Variants in ARMC12 observed in about 807,000 individuals in gnomAD.
ARMC12 encodes armadillo repeat-containing protein 12.
Under a neutral mutation model 37.4 loss-of-function variants are expected in ARMC12, and 25 were observed. That is an observed-to-expected ratio of 0.67 (90% CI 0.49 to 0.93). The LOEUF (loss-of-function observed/expected upper bound fraction) is 0.93, where lower values mean the gene tolerates loss of function less well. ARMC12 is among the 40% of genes least tolerant of loss of function. The pLI is 0.00. For missense variants in ARMC12, 384 were observed against 426.6 expected (o/e 0.90, Z 0.88); for synonymous variants, 167 against 176.1 (o/e 0.95, Z 0.41).
rs773502896 is a variant in ARMC12 at position 35,737,122 on chromosome 6, T to C, written c.14T>C (p.Ile5Thr). The change falls in exon 1 of 6, where the codon ATC (isoleucine) becomes ACC (threonine). Residue 5 changes from isoleucine (I) to threonine (T), a missense_variant. Physicochemically the swap from Ile to Thr is moderately conservative, Grantham distance 89. Coordinates refer to ENST00000373866, the MANE Select transcript of ARMC12 (RefSeq NM_001286574.2). MGKS[I>T]PQYLGQLDIR... ...AACACTGAAGACATGGGCAAGAGCA[T>C]CCCCCAATACCTGGGGCAACTGGAC... 6.8e-6 allele frequency: 11 copies of C among 1,614,102 alleles called. No homozygotes were observed. Among genetic ancestry groups the C allele is most frequent in the Non-Finnish European group, 8.5e-6 (10 of 1,180,022 alleles).
intron 3 of ARMC12, among the ~76,000 whole-genome samples, chr6:35,743,893 C>T (rs1445854613): frequency 2.0e-5 from 3 of 148,744 alleles, no homozygotes; most frequent in East Asian, 2.0e-4. Context: ...TGCATTGAAC[C>T]GAGATCACCA....
chr6:35,738,293 G>T (rs1406313858), intron 2 of ARMC12, 91 bp from the exon 3 acceptor site: 19 of 1,431,822 alleles, frequency 1.3e-5, no homozygotes, highest in African/African-American at 2.9e-5. Context: ...CGGTGGGGGG[G>T]GGGTGTGCGG....
rs899555586 is a variant in ARMC12 at position 35,747,623 on chromosome 6, T to C, written c.666T>C (p.Leu222=). ...LLSYLAQKND[L]LYDILNCQVH... ...GCTACCTGGCACAGAAGAATGACCTTCTCTATGACATTCTCAACTGCCAGG... is the reference window on the plus strand; with the variant it reads ...GCTACCTGGCACAGAAGAATGACCTCCTCTATGACATTCTCAACTGCCAGG... Residue 222 remains leucine (L), a synonymous_variant, in exon 5 of 6, where the codon CTT becomes CTC. Coordinates refer to ENST00000373866, the MANE Select transcript of ARMC12 (RefSeq NM_001286574.2). 6 of 1,614,092 alleles carry C rather than the reference T, an allele frequency of 3.7e-6. No homozygotes were observed. Among genetic ancestry groups the C allele is most frequent in the Non-Finnish European group, 5.1e-6 (6 of 1,179,980 alleles).
At chr6:35,748,406 TA>T in intron 5 of ARMC12, 131 bp from the exon 6 acceptor site, 2 of 658,336 alleles carry the variant, frequency 3.0e-6, no homozygotes, top group Non-Finnish European at 4.4e-6. Context: ...AAAGAAAAAC[TA>T]AAAAATTACT....
chr6:35,738,136 C>G lies in ARMC12; in HGVS notation c.273C>G (p.His91Gln). The G allele has an allele frequency of 6.2e-7, 1 of 1,613,928 alleles. No individual in the cohort carries two copies. The highest frequency in any genetic ancestry group is 1.1e-5 in the South Asian group (1 of 91,082). The stretch of plus-strand genomic sequence containing the variant: ...AGTATGCCAAGAGCATGATCCTGCA[C>G]AGTATCACTCGCTGTGTGTACTTGC... ...QDEYAKSMIL[H>Q]SITRCVYLLE... is the part of the protein sequence containing the mutation. Residue 91 changes from histidine to glutamine, a missense_variant, in exon 2 of 6, where the codon CAC (histidine) becomes CAG (glutamine). His to Gln is a conservative substitution (Grantham distance 24). Transcript: ENST00000373866.
chr6:35,740,945 G>A (rs1373295132), intron 3 of ARMC12, among the ~76,000 whole-genome samples: 1 of 147,470 alleles, frequency 6.8e-6, no homozygotes, highest in Non-Finnish European at 1.5e-5. Context: ...TGTCGCCCAG[G>A]CTGGAGTGCA....
At chr6:35,737,893 C>A in intron 1 of ARMC12, 134 bp from the exon 2 acceptor site, 1 of 1,205,362 alleles carries the variant, frequency 8.3e-7, no homozygotes, top group Non-Finnish European at 1.2e-6. Flanking sequence ...ACATGGTGGT[C>A]CTGCATATGG....
chr6:35,737,314 C>G, intron 1 of ARMC12, 43 bp downstream of exon 1: 7 of 1,614,232 alleles, frequency 4.3e-6, no homozygotes, highest in Non-Finnish European at 5.9e-6. Context: ...CCCCAGGAGG[C>G]ACCTGCTCCC....
intron 3 of ARMC12, among the ~76,000 whole-genome samples, chr6:35,740,263 C>T (rs1016134291): frequency 4.6e-5 from 7 of 152,180 alleles, no homozygotes; most frequent in African/African-American, 1.7e-4. Flanking sequence ...TACCCCCAAA[C>T]TTACAGTATC....
intron 3 of ARMC12, among the ~76,000 whole-genome samples, chr6:35,746,279 G>A (rs943402319): frequency 4.6e-5 from 7 of 151,898 alleles, no homozygotes; most frequent in South Asian, 2.1e-4. Context: ...CTAAGCAGAG[G>A]GCACAGCCTA....
At chr6:35,738,276 C>A (rs958181443) in intron 2 of ARMC12, 104 bp downstream of exon 2, 5 of 992,132 alleles carry the variant, frequency 5.0e-6, no homozygotes, top group Non-Finnish European at 7.1e-6. Context: ...CTCTCTCTGG[C>A]TGATAGCGGT....
chr6:35,741,685 G>A (rs866775517), intron 3 of ARMC12, among the ~76,000 whole-genome samples: 15 of 152,246 alleles, frequency 9.9e-5, no homozygotes, highest in Middle Eastern at 6.8e-3. Context: ...CTCCCAAACT[G>A]CTGGGATTAC....
rs1420130339 is a variant in ARMC12 at position 35,737,238 on chromosome 6, C to A, written c.130C>A (p.Pro44Thr). ...CAAGGCTGGCATAAAATGCAAACCA[C>A]CCCTCTGTAGCAACTCACCCATCTG... ...AIKAGIKCKP[P>T]LCSNSPICIA... The change falls in exon 1 of 6, where the codon CCC becomes ACC. Residue 44 changes from proline to threonine, a missense_variant. Coordinates refer to ENST00000373866, the MANE Select transcript of ARMC12 (RefSeq NM_001286574.2). 1.2e-6 allele frequency: 2 copies of A among 1,614,260 alleles called. No individual in the cohort carries two copies. The highest frequency in any genetic ancestry group is 1.1e-5 in the South Asian group (1 of 91,088).
At chr6:35,738,890 TC>T (rs1767079984) in intron 3 of ARMC12, among the ~76,000 whole-genome samples, 1 of 152,012 alleles carries the variant, frequency 6.6e-6, no homozygotes, top group African/African-American at 2.4e-5. Context: ...AAGGGCTGAG[TC>T]CCCCAAGACT....
upstream of ARMC12, among the ~76,000 whole-genome samples, chr6:35,733,304 T>C (rs893674341): frequency 2.6e-5 from 4 of 152,234 alleles, no homozygotes; most frequent in Admixed American, 2.0e-4. Flanking sequence ...TCTCACTGCC[T>C]GCCCACGCCC....
chr6:35,734,440 G>A (rs45586442), upstream of ARMC12, among the ~76,000 whole-genome samples: 4 of 152,148 alleles, frequency 2.6e-5, no homozygotes, highest in African/African-American at 7.2e-5. Flanking sequence ...GAGACTGCAA[G>A]TGTGAGCTAC....
At chr6:35,738,286 T>TGGGGGC in intron 2 of ARMC12, 98 bp from the exon 3 acceptor site, 1 of 1,059,414 alleles carries the variant, frequency 9.4e-7, no homozygotes, top group Non-Finnish European at 1.2e-6. Flanking sequence ...CTGATAGCGG[T>TGGGGGC]GGGGGGGGGG....
At chr6:35,742,756 G>C (rs999026779) in intron 3 of ARMC12, among the ~76,000 whole-genome samples, 2 of 152,158 alleles carry the variant, frequency 1.3e-5, no homozygotes, top group African/African-American at 4.8e-5. Context: ...CCCATGGGCA[G>C]CTGCTACTAG....
intron 3 of ARMC12, among the ~76,000 whole-genome samples, chr6:35,742,833 C>T (rs1255264114): frequency 6.6e-6 from 1 of 152,216 alleles, no homozygotes; most frequent in Non-Finnish European, 1.5e-5. Context: ...TCACCCCATT[C>T]CCTGAATCAG....
Sources: gnomAD v4.1 joint callset for allele counts (sites outside exome capture counted in the v4.1 genomes callset) on GRCh38, gnomAD v4.1.1 for gene constraint, MANE v1.5 for transcripts, NCBI Gene and HGNC (gene_info 2026-07-23, HGNC 2026-07-21) for gene names.